The following ARFIP1 variants were observed in gnomAD, a reference collection of about 807,000 sequenced individuals.
ARFIP1 encodes arfaptin-1.
ARFIP1 carries 24 observed loss-of-function variants against 42.5 expected under a neutral mutation model. The observed-to-expected ratio is 0.57, with a 90% CI of 0.41 to 0.80. ARFIP1 has a LOEUF of 0.80. Among genes scored for constraint, ARFIP1 ranks in the 30% least tolerant of loss-of-function variants. ARFIP1 has a pLI of 0.00. For synonymous variants in ARFIP1, 141 were observed against 153.7 expected, an observed-to-expected ratio of 0.92 and a Z score of 0.61; for missense variants, 354 against 434.0, an observed-to-expected ratio of 0.82 and a Z score of 1.64.
chr4:152,785,900 C>G (rs866297375), intron 1 of ARFIP1, among the ~76,000 whole-genome samples: 6 of 152,324 alleles, frequency 3.9e-5, no homozygotes, highest in African/African-American at 1.4e-4. Context: ...CTGGTGGCTA[C>G]TTTATTGGAC....
At chr4:152,781,240 T>C (rs992503275) in intron 1 of ARFIP1, among the ~76,000 whole-genome samples, 6 of 145,610 alleles carry the variant, frequency 4.1e-5, no homozygotes, top group Middle Eastern at 3.2e-3. Flanking sequence ...TTTTCTTTTT[T>C]TTTTTTTTTT....
intron 8 of ARFIP1, among the ~76,000 whole-genome samples, chr4:152,894,201 C>G (rs1737111757): frequency 7.0e-6 from 1 of 143,716 alleles, no homozygotes; most frequent in Admixed American, 7.0e-5. Context: ...GAGCGAGACT[C>G]TGTCTCAAAA....
intron 2 of ARFIP1, among the ~76,000 whole-genome samples, chr4:152,844,110 A>T (rs1002101662): frequency 6.6e-5 from 10 of 152,116 alleles, no homozygotes; most frequent in Admixed American, 2.0e-4. Flanking sequence ...TTCGTGTACC[A>T]CTGTATTTCT....
intron 4 of ARFIP1, among the ~76,000 whole-genome samples, chr4:152,871,227 G>T (rs936007426): frequency 6.6e-6 from 1 of 152,114 alleles, no homozygotes; most frequent in African/African-American, 2.4e-5. Flanking sequence ...CAATTAGGTT[G>T]GTTGTTTTTA....
At chr4:152,884,812 T>G (rs1736134826) in intron 7 of ARFIP1, among the ~76,000 whole-genome samples, 1 of 152,070 alleles carries the variant, frequency 6.6e-6, no homozygotes, top group African/African-American at 2.4e-5. Flanking sequence ...TACCTGAGTA[T>G]TAGTGCCCTA....
chr4:152,804,416 T>C (rs1728810596), intron 1 of ARFIP1, among the ~76,000 whole-genome samples: 1 of 104,614 alleles, frequency 9.6e-6, no homozygotes, highest in Non-Finnish European at 1.7e-5. Flanking sequence ...TAACATGTAT[T>C]ATATATTATA....
chr4:152,826,430 G>A (rs922259753), intron 1 of ARFIP1, among the ~76,000 whole-genome samples: 4 of 152,044 alleles, frequency 2.6e-5, no homozygotes, highest in African/African-American at 9.7e-5. Context: ...GTGGGTACAC[G>A]AAGCCACACA....
chr4:152,780,303 C>T (rs1050134035), intron 1 of ARFIP1, 77 bp downstream of exon 1: 1 of 152,456 alleles, frequency 6.6e-6, no homozygotes, highest in African/African-American at 2.4e-5. Flanking sequence ...GGGCACGTTG[C>T]CTACGGGTTC....
intron 2 of ARFIP1, among the ~76,000 whole-genome samples, chr4:152,831,684 A>T (rs888007853): frequency 6.6e-6 from 1 of 152,316 alleles, no homozygotes; most frequent in Admixed American, 6.5e-5. Flanking sequence ...GGAATCATAC[A>T]GTGTGTACTC....
intron 1 of ARFIP1, among the ~76,000 whole-genome samples, chr4:152,826,485 T>C (rs1730848741): frequency 6.6e-6 from 1 of 152,034 alleles, no homozygotes; most frequent in East Asian, 1.9e-4. Flanking sequence ...GGGAGGGTGC[T>C]GGGGAGTGAG....
chr4:152,884,938 A>G (rs995155125), intron 7 of ARFIP1, among the ~76,000 whole-genome samples: 3 of 152,096 alleles, frequency 2.0e-5, no homozygotes, highest in Non-Finnish European at 2.9e-5. Flanking sequence ...TTCTTAAGGG[A>G]AACCCTTACA....
chr4:152,832,455 G>A (rs1298820522), intron 2 of ARFIP1, among the ~76,000 whole-genome samples: 1 of 152,012 alleles, frequency 6.6e-6, no homozygotes. Context: ...CTATTTGTAG[G>A]AGTTCTTTAT....
chr4:152,893,153 T>C (rs1013012047), intron 8 of ARFIP1, among the ~76,000 whole-genome samples: 7 of 152,232 alleles, frequency 4.6e-5, no homozygotes, highest in African/African-American at 1.4e-4. Context: ...AGGTATATAG[T>C]ACTCATTCAG....
rs1561193188 is a variant in ARFIP1 at position 152,912,215 on chromosome 4, A to T, written c.*1996A>T. On this transcript the variant is annotated 3_prime_UTR_variant, in exon 9 of 9. Transcript: ENST00000353617. ...GGGCACATGACCAAAAGAAAAAAGT[A>T]AATCAATATATTTAGCCAATGGTAC... 1 of 152,168 alleles carries T rather than the reference A, an allele frequency of 6.6e-6. No homozygotes were observed. The highest frequency in any genetic ancestry group is 1.5e-5 in the Non-Finnish European group (1 of 68,010). 9.4% of individuals were successfully genotyped at this position (152,168 alleles called of 1,614,324 possible). A position where few individuals can be genotyped will look rare whatever the true frequency, so the allele number is the denominator to read the frequency against.
chr4:152,891,287 T>G (rs1250280233), intron 8 of ARFIP1, among the ~76,000 whole-genome samples: 2 of 152,232 alleles, frequency 1.3e-5, no homozygotes, highest in Non-Finnish European at 2.9e-5. Flanking sequence ...TCATCAAGGT[T>G]AAGTTTGAAT....
In ARFIP1 at chr4:152,870,954, TCTGA is replaced by T. The variant is rs112080975; in HGVS notation, c.298+109_298+112del. On this transcript the variant is annotated intron_variant, in intron 4 of 8. Transcript: ENST00000353617. The stretch of plus-strand genomic sequence containing the variant: ...CTTTATATTCTTAGGTGTGTGTGAT[TCTGA>T]CTTTTTTGGTGGCTGCCTTATTAAC... 167 of 894,856 alleles carry T rather than the reference TCTGA, an allele frequency of 1.9e-4. No homozygotes were observed. In the African/African-American group the frequency reaches 2.3e-3, roughly 12 times the overall value. 55.4% of individuals were successfully genotyped at this position (894,856 alleles called of 1,614,324 possible).
intron 3 of ARFIP1, among the ~76,000 whole-genome samples, chr4:152,869,448 C>CTTT (rs200886609): frequency 6.8e-6 from 1 of 147,014 alleles, no homozygotes; most frequent in Admixed American, 6.8e-5. Flanking sequence ...TTCTTTCTTT[C>CTTT]TTTCTTTTTT....
intron 8 of ARFIP1, among the ~76,000 whole-genome samples, chr4:152,889,029 G>T (rs941652890): frequency 6.6e-5 from 10 of 152,166 alleles, no homozygotes; most frequent in African/African-American, 2.2e-4. Context: ...GTCCTGAACA[G>T]ATGGGTCTCA....
intron 2 of ARFIP1, among the ~76,000 whole-genome samples, chr4:152,857,043 A>G (rs1733501223): frequency 6.6e-6 from 1 of 152,244 alleles, no homozygotes; most frequent in African/African-American, 2.4e-5. Flanking sequence ...ATTCAGTGAA[A>G]TGAACAGACT....
Sources: allele counts gnomAD v4.1 joint callset (sites outside exome capture counted in the v4.1 genomes callset), GRCh38; gene constraint gnomAD v4.1.1; transcripts MANE v1.5; gene names NCBI Gene and HGNC (gene_info 2026-07-23, HGNC 2026-07-21).